Variants in SMAP1 observed in about 807,000 individuals in gnomAD.
The protein encoded by SMAP1 is small ArfGAP 1.
Under a neutral mutation model 58.5 loss-of-function variants are expected in SMAP1, and 24 were observed. That is an observed-to-expected ratio of 0.41 (90% CI 0.30 to 0.58). The LOEUF (loss-of-function observed/expected upper bound fraction) is 0.58, where lower values mean the gene tolerates loss of function less well. Among genes scored for constraint, SMAP1 ranks in the 20% least tolerant of loss-of-function variants. SMAP1 has a pLI of 0.29. For missense variants in SMAP1, 563 were observed against 566.3 expected (o/e 0.99, Z 0.06); for synonymous variants, 216 against 196.6 (o/e 1.10, Z -0.82).
At chr6:70,754,179 A>G (rs1014268611) in intron 2 of SMAP1, among the ~76,000 whole-genome samples, 7 of 152,124 alleles carry the variant, frequency 4.6e-5, no homozygotes, top group African/African-American at 1.4e-4. Context: ...TGTGTAAATG[A>G]TGTCATATAA....
chr6:70,786,957 T>C (rs1213055524), intron 4 of SMAP1, among the ~76,000 whole-genome samples: 14 of 152,088 alleles, frequency 9.2e-5, no homozygotes, highest in Admixed American at 6.6e-4. Flanking sequence ...TACTTTAAAG[T>C]TCATATGGAA....
chr6:70,766,714 G>A (rs1358287587), intron 3 of SMAP1, among the ~76,000 whole-genome samples: 1 of 152,110 alleles, frequency 6.6e-6, no homozygotes, highest in Admixed American at 6.5e-5. Context: ...CACTCTGATG[G>A]TAGTTTCTTT....
intron 3 of SMAP1, among the ~76,000 whole-genome samples, chr6:70,757,846 C>T (rs1201205959): frequency 6.6e-6 from 1 of 152,058 alleles, no homozygotes; most frequent in Non-Finnish European, 1.5e-5. Flanking sequence ...GTTAGAATGG[C>T]AATCATTAAA....
At chr6:70,695,062 A>T (rs1767344091) in intron 1 of SMAP1, among the ~76,000 whole-genome samples, 1 of 151,912 alleles carries the variant, frequency 6.6e-6, no homozygotes, top group Non-Finnish European at 1.5e-5. Flanking sequence ...TCGTAATGGG[A>T]TTACTTTCTT....
At chr6:70,796,127 T>A (rs1455369779) in intron 5 of SMAP1, among the ~76,000 whole-genome samples, 1 of 152,082 alleles carries the variant, frequency 6.6e-6, no homozygotes, top group Admixed American at 6.5e-5. Context: ...TATATAAAAT[T>A]TTTGCACATC....
At chr6:70,676,862 G>A (rs1362950464) in intron 1 of SMAP1, among the ~76,000 whole-genome samples, 1 of 151,864 alleles carries the variant, frequency 6.6e-6, no homozygotes, top group Non-Finnish European at 1.5e-5. Context: ...AGCCCATTGC[G>A]GCCTCTAACT....
intron 3 of SMAP1, among the ~76,000 whole-genome samples, chr6:70,766,677 T>A (rs887935131): frequency 1.3e-5 from 2 of 152,162 alleles, no homozygotes; most frequent in African/African-American, 4.8e-5. Context: ...TTGCAAAAAT[T>A]TTCTCCCATT....
At chr6:70,837,167 C>CA (rs1770623722) in intron 7 of SMAP1, 139 bp downstream of exon 7, 2 of 542,420 alleles carry the variant, frequency 3.7e-6, no homozygotes, top group Non-Finnish European at 6.0e-6. Context: ...GATTAGTTTG[C>CA]TAACTTCCCA....
intron 1 of SMAP1, among the ~76,000 whole-genome samples, chr6:70,697,956 T>C (rs1467726173): frequency 6.6e-6 from 1 of 152,228 alleles, no homozygotes. Context: ...ATTACAATGC[T>C]ACAATATTCT....
At position 70,834,371 on chromosome 6, in the gene SMAP1, C is replaced by CAAA. The variant is rs3034191; in HGVS notation, c.577-2557_577-2555dup. On this transcript the variant is annotated intron_variant, in intron 6 of 10. Transcript: ENST00000370455. ...TGGAAGAAGATTCAGTAAAATACAC[C>CAAA]AAAAAAAAAAAAAAAGAATGCTAAA... 3.3e-3 allele frequency among the ~76,000 whole-genome samples: 456 copies of CAAA among 136,344 alleles called. 5 individuals carry two copies. Among genetic ancestry groups the CAAA allele is most frequent in the East Asian group, 0.012 (54 of 4,518 alleles). 89.4% of individuals were successfully genotyped at this position (136,344 alleles called of 152,430 possible).
At chr6:70,817,522 A>T (rs1769692584) in intron 6 of SMAP1, among the ~76,000 whole-genome samples, 1 of 152,136 alleles carries the variant, frequency 6.6e-6, no homozygotes, top group Non-Finnish European at 1.5e-5. Context: ...ACAGCTGTGG[A>T]CTAAGGTCTT....
At chr6:70,793,828 G>A (rs1768478196) in intron 5 of SMAP1, among the ~76,000 whole-genome samples, 1 of 151,914 alleles carries the variant, frequency 6.6e-6, no homozygotes. Flanking sequence ...TCCGCCTCCC[G>A]GGTTCAAGCA....
chr6:70,694,679 C>G (rs1318610606), intron 1 of SMAP1: 3 of 152,390 alleles, frequency 2.0e-5, no homozygotes, highest in African/African-American at 7.2e-5. Flanking sequence ...ATCTCACAAG[C>G]TGCCATAGAG....
chr6:70,739,356 T>G (rs1191160347), intron 2 of SMAP1, among the ~76,000 whole-genome samples: 2 of 152,148 alleles, frequency 1.3e-5, no homozygotes, highest in East Asian at 1.9e-4. Flanking sequence ...CTGTTTTAAT[T>G]TTTTTAAATG....
At chr6:70,791,434 C>T (rs755567883) in intron 4 of SMAP1, among the ~76,000 whole-genome samples, 17 of 152,134 alleles carry the variant, frequency 1.1e-4, no homozygotes, top group Non-Finnish European at 2.5e-4. Context: ...TATCTGACTA[C>T]ATTTTAAATT....
intron 4 of SMAP1, among the ~76,000 whole-genome samples, chr6:70,791,229 T>C (rs1768337822): frequency 6.6e-6 from 1 of 152,232 alleles, no homozygotes; most frequent in Admixed American, 6.5e-5. Flanking sequence ...TAATTAACTT[T>C]TGCTATTTCA....
chr6:70,714,080 A>G (rs1316341887), intron 1 of SMAP1, among the ~76,000 whole-genome samples: 1 of 152,038 alleles, frequency 6.6e-6, no homozygotes, highest in Non-Finnish European at 1.5e-5. Flanking sequence ...ATTTGCATGG[A>G]CTATTCTTTT....
chr6:70,697,877 T>C (rs780213769), intron 1 of SMAP1, among the ~76,000 whole-genome samples: 4 of 152,234 alleles, frequency 2.6e-5, no homozygotes, highest in Non-Finnish European at 5.9e-5. Flanking sequence ...CTTGAAAAGA[T>C]GTAGTTATTT....
intron 2 of SMAP1, among the ~76,000 whole-genome samples, chr6:70,746,429 T>A (rs1307558127): frequency 6.6e-6 from 1 of 152,236 alleles, no homozygotes; most frequent in Non-Finnish European, 1.5e-5. Flanking sequence ...GTTGAGATAA[T>A]CATGTGGTTT....
Sources: allele counts gnomAD v4.1 joint callset (sites outside exome capture counted in the v4.1 genomes callset), GRCh38; gene constraint gnomAD v4.1.1; transcripts MANE v1.5; gene names NCBI Gene and HGNC (gene_info 2026-07-23, HGNC 2026-07-21).